Variants in WDPCP observed in about 807,000 individuals in gnomAD.
The protein encoded by WDPCP is WD repeat-containing and planar cell polarity effector protein fritz homolog.
Under a neutral mutation model 93.1 loss-of-function variants are expected in WDPCP, and 71 were observed. That is an observed-to-expected ratio of 0.76 (90% CI 0.63 to 0.93). The LOEUF is 0.93. Among genes scored for constraint, WDPCP ranks in the 40% least tolerant of loss-of-function variants. WDPCP has a pLI of 0.00. For missense variants in WDPCP, 844 were observed against 887.4 expected (o/e 0.95, Z 0.62); for synonymous variants, 315 against 315.0 (o/e 1.00, Z 0.00).
At chr2:63,287,043 C>T (rs969854375) in intron 13 of WDPCP, among the ~76,000 whole-genome samples, 2 of 152,210 alleles carry the variant, frequency 1.3e-5, no homozygotes, top group African/African-American at 4.8e-5. Context: ...CTCTCCTTGG[C>T]TTGTAGATGG....
chr2:63,656,580 T>C (rs1055612438), intron 2 of WDPCP, among the ~76,000 whole-genome samples: 1 of 152,172 alleles, frequency 6.6e-6, no homozygotes, highest in Non-Finnish European at 1.5e-5. Flanking sequence ...TCAGGAGCCA[T>C]GTATAGAATG....
At chr2:63,561,375 G>A (rs1706605121) in intron 1 of WDPCP, among the ~76,000 whole-genome samples, 1 of 151,958 alleles carries the variant, frequency 6.6e-6, no homozygotes, top group Admixed American at 6.6e-5. Context: ...CTGCTCGGGA[G>A]GCTGAGGCAG....
chr2:63,617,791 T>A (rs1709688569), intron 3 of WDPCP, among the ~76,000 whole-genome samples: 1 of 152,202 alleles, frequency 6.6e-6, no homozygotes, highest in Non-Finnish European at 1.5e-5. Flanking sequence ...GCAGTTGAGA[T>A]AAAGAGTTGG....
chr2:63,729,242 A>C (rs1299356115), intron 2 of WDPCP, among the ~76,000 whole-genome samples: 2 of 152,198 alleles, frequency 1.3e-5, no homozygotes, highest in African/African-American at 4.8e-5. Context: ...TACATTAATG[A>C]TTTTATTAAA....
upstream of WDPCP, chr2:63,588,967 C>G: frequency 6.2e-7 from 1 of 1,606,212 alleles, no homozygotes; most frequent in South Asian, 1.1e-5. Flanking sequence ...CTCTCCGAGT[C>G]AGTTCCGCGG....
intron 17 of WDPCP, among the ~76,000 whole-genome samples, chr2:63,141,972 G>A (rs747068965): frequency 7.9e-5 from 12 of 152,048 alleles, no homozygotes; most frequent in South Asian, 2.1e-4. Context: ...AGTGGTGTCC[G>A]TTGTAATATC....
At chr2:63,204,871 C>G (rs1294686268) in intron 14 of WDPCP, among the ~76,000 whole-genome samples, 3 of 152,004 alleles carry the variant, frequency 2.0e-5, no homozygotes, top group East Asian at 3.9e-4. Flanking sequence ...TCCCATTTGT[C>G]CATTTTTGCT....
chr2:63,599,052 G>A, intron 3 of WDPCP: 1 of 896,998 alleles, frequency 1.1e-6, no homozygotes, highest in Admixed American at 2.8e-5. Context: ...TGTATTTGGT[G>A]TTTCCCAAGC....
In WDPCP at chr2:63,657,194, T is replaced by C. The variant is rs947325380; in HGVS notation, n.309-6356A>G. ...GGGTTTTGCGTACAGATGAGACAGG[T>C]TCTGGGTGATGTTTTTTTTTTTTTT... On this transcript the variant is annotated intron_variant and non_coding_transcript_variant, in intron 2 of 4. Coordinates refer to the WDPCP transcript ENST00000467687. 4.9e-5 allele frequency among the ~76,000 whole-genome samples: 7 copies of C among 142,198 alleles called. No homozygotes were observed. In the East Asian group the frequency reaches 1.5e-3, roughly 31 times the overall value. 93.3% of individuals were successfully genotyped at this position (142,198 alleles called of 152,430 possible).
chr2:63,758,639 C>T (rs568354672), intron 2 of WDPCP, among the ~76,000 whole-genome samples: 87 of 152,148 alleles, frequency 5.7e-4, no homozygotes, highest in Non-Finnish European at 3.1e-4. Context: ...AGGCTTTCAC[C>T]GTGTTGCCCA....
chr2:63,568,513 G>A (rs1429983650), intron 1 of WDPCP, among the ~76,000 whole-genome samples: 2 of 152,172 alleles, frequency 1.3e-5, no homozygotes, highest in Non-Finnish European at 1.5e-5. Flanking sequence ...AATTTACTCA[G>A]CAAGGCCATT....
chr2:63,596,877 T>C (rs749901072), intron 3 of WDPCP, among the ~76,000 whole-genome samples: 47 of 152,212 alleles, frequency 3.1e-4, no homozygotes, highest in Non-Finnish European at 5.0e-4. Context: ...TGGTGGCGAG[T>C]TAATCTCTTT....
chr2:63,633,590 GA>G (rs1558871539), intron 3 of WDPCP, among the ~76,000 whole-genome samples: 2 of 151,622 alleles, frequency 1.3e-5, no homozygotes, highest in Admixed American at 6.6e-5. Flanking sequence ...ATCTATAGTA[GA>G]CACACAAAAG....
At chr2:63,635,757 G>A (rs181860332) in intron 3 of WDPCP, among the ~76,000 whole-genome samples, 6 of 152,176 alleles carry the variant, frequency 3.9e-5, no homozygotes, top group Middle Eastern at 3.4e-3. Context: ...TCATTTCAAC[G>A]GTGAAAATCT....
intron 2 of WDPCP, among the ~76,000 whole-genome samples, chr2:63,735,130 G>T (rs1669620764): frequency 6.6e-6 from 1 of 152,294 alleles, no homozygotes; most frequent in South Asian, 2.1e-4. Flanking sequence ...TCATGAAAAT[G>T]AGTATCTAGT....
At chr2:63,721,013 T>C (rs1454393439) in intron 2 of WDPCP, among the ~76,000 whole-genome samples, 1 of 152,222 alleles carries the variant, frequency 6.6e-6, no homozygotes, top group African/African-American at 2.4e-5. Flanking sequence ...TCATCTGACA[T>C]TTCAAGTGTT....
At chr2:63,593,498 G>A (rs1709241534), upstream of WDPCP, 11 of 465,952 alleles carry the variant, frequency 2.4e-5, no homozygotes, top group South Asian at 1.6e-4. Flanking sequence ...AAGCTTGAAA[G>A]AAGCCTTCGA....
chr2:63,280,184 A>G (rs1346302304), intron 13 of WDPCP, among the ~76,000 whole-genome samples: 1 of 152,234 alleles, frequency 6.6e-6, no homozygotes, highest in Non-Finnish European at 1.5e-5. Context: ...TGATAAAGAC[A>G]TACCCAAAAG....
intron 3 of WDPCP, among the ~76,000 whole-genome samples, chr2:63,631,062 C>A (rs567896753): frequency 6.6e-6 from 1 of 152,104 alleles, no homozygotes. Flanking sequence ...GGATGGAACA[C>A]CTGAGGTAAG....
Sources: allele counts gnomAD v4.1 joint callset (sites outside exome capture counted in the v4.1 genomes callset), GRCh38; gene constraint gnomAD v4.1.1; transcripts MANE v1.5; gene names NCBI Gene and HGNC (gene_info 2026-07-23, HGNC 2026-07-21).